RHPN2: variants seen among roughly 807,000 people sequenced by gnomAD.
The protein encoded by RHPN2 is rhophilin-2.
In RHPN2, 40 loss-of-function variants were observed where a neutral mutation model predicts 79.0. That is an observed-to-expected ratio of 0.51 (90% CI 0.39 to 0.66). RHPN2 has a LOEUF of 0.66. Ranked by LOEUF, RHPN2 falls within the 30% of genes least tolerant of loss-of-function variation. The pLI, the probability that RHPN2 is intolerant of heterozygous loss-of-function variation, is 0.00. For missense variants in RHPN2, 686 were observed against 883.5 expected (o/e 0.78, Z 2.83); for synonymous variants, 285 against 363.5 (o/e 0.78, Z 2.46).
Position 33,064,873 on chromosome 19 carries a change from G to A in RHPN2, c.-21C>T. ...GTCATGCTAGCGGCGCGGGCGCGGA[G>A]GGCGGACGGCGGACTGAGGCGCGGC... On this transcript the variant is annotated 5_prime_UTR_variant, in exon 1 of 15. Coordinates refer to ENST00000254260, the MANE Select transcript of RHPN2 (RefSeq NM_033103.5). 6.7e-7 allele frequency: 1 copy of A among 1,498,330 alleles called. No homozygotes were observed. Among genetic ancestry groups the A allele is most frequent in the African/African-American group, 1.5e-5 (1 of 68,642 alleles). The allele number at this position is 1,498,330 out of a possible 1,614,324, so 92.8% of individuals were successfully genotyped here.
chr19:32,993,366 C>G (rs1411770309), intron 12 of RHPN2, among the ~76,000 whole-genome samples: 1 of 151,842 alleles, frequency 6.6e-6, no homozygotes, highest in African/African-American at 2.4e-5. Flanking sequence ...CCCAACTACT[C>G]GGGAGGCTGA....
chr19:32,991,170 A>G (rs1971656844), intron 13 of RHPN2, among the ~76,000 whole-genome samples: 1 of 152,108 alleles, frequency 6.6e-6, no homozygotes, highest in African/African-American at 2.4e-5. Context: ...AAAAATACAA[A>G]AATTAGGCCG....
intron 1 of RHPN2, 65 bp downstream of exon 1, chr19:33,064,719 C>T: frequency 1.3e-6 from 2 of 1,493,730 alleles, no homozygotes; most frequent in Non-Finnish European, 8.9e-7. Flanking sequence ...ACGGCCCCTG[C>T]AGGGCCCGGG....
chr19:33,002,706 G>A, intron 8 of RHPN2, 107 bp downstream of exon 8: 1 of 1,200,896 alleles, frequency 8.3e-7, no homozygotes, highest in South Asian at 1.2e-5. Context: ...CTGGCACAAT[G>A]CCCAGGTCAC....
intron 4 of RHPN2, among the ~76,000 whole-genome samples, chr19:33,016,638 G>A (rs1261713461): frequency 1.3e-5 from 2 of 151,842 alleles, no homozygotes; most frequent in Non-Finnish European, 2.9e-5. Context: ...CCAAGATTGC[G>A]CCACTGCACT....
At chr19:33,058,031 G>A (rs1298873146) in intron 1 of RHPN2, among the ~76,000 whole-genome samples, 4 of 152,114 alleles carry the variant, frequency 2.6e-5, no homozygotes, top group African/African-American at 7.2e-5. Flanking sequence ...ATGGTGGCGG[G>A]TGCCTATAAT....
chr19:33,014,415 C>T (rs1255785050), intron 4 of RHPN2, among the ~76,000 whole-genome samples: 1 of 152,124 alleles, frequency 6.6e-6, no homozygotes, highest in African/African-American at 2.4e-5. Context: ...AAGTCATCCT[C>T]CCACTTCAGC....
rs549507772 is a variant in RHPN2 at position 33,034,187 on chromosome 19, A to G, written c.186-7555T>C. ...AACAATTTTTGATTTAAGATTTGCC[A>G]CAAGGCCAGGCGCGGTGGCTCACGC... On this transcript the variant is annotated intron_variant, in intron 2 of 14. Coordinates refer to ENST00000254260, the MANE Select transcript of RHPN2 (RefSeq NM_033103.5). Among the ~76,000 whole-genome samples the G allele has an allele frequency of 3.4e-5, 5 of 148,370 alleles. No individual in the cohort carries two copies. In the East Asian group the frequency reaches 1.1e-3, roughly 33 times the overall value.
chr19:32,982,003 A>G (rs928340317), intron 14 of RHPN2, among the ~76,000 whole-genome samples: 3 of 152,070 alleles, frequency 2.0e-5, no homozygotes, highest in African/African-American at 7.2e-5. Context: ...TTTGCCTAAC[A>G]TTGAGATTGT....
chr19:33,026,796 G>C, intron 2 of RHPN2, 164 bp from the exon 3 acceptor site: 1 of 703,314 alleles, frequency 1.4e-6, no homozygotes, highest in Middle Eastern at 4.0e-4. Flanking sequence ...CACCTACCCA[G>C]CTTGCAGCAC....
chr19:33,031,606 T>C (rs1182034102), intron 2 of RHPN2, among the ~76,000 whole-genome samples: 1 of 152,052 alleles, frequency 6.6e-6, no homozygotes, highest in African/African-American at 2.4e-5. Context: ...CTCCAACTCC[T>C]GGGCTCCTGG....
intron 4 of RHPN2, among the ~76,000 whole-genome samples, chr19:33,019,931 C>G (rs904518398): frequency 6.6e-6 from 1 of 152,108 alleles, no homozygotes; most frequent in South Asian, 2.1e-4. Flanking sequence ...TTGGAGGTGA[C>G]TGGTTAAAAA....
intron 3 of RHPN2, 76 bp from the exon 4 acceptor site, chr19:33,021,722 A>T: frequency 1.8e-6 from 2 of 1,103,736 alleles, no homozygotes; most frequent in Non-Finnish European, 2.6e-6. Flanking sequence ...TGCCCTCAGC[A>T]GCCCAAGCTC....
At chr19:32,980,534 G>A (rs1431569464) in intron 14 of RHPN2, among the ~76,000 whole-genome samples, 1 of 152,136 alleles carries the variant, frequency 6.6e-6, no homozygotes, top group African/African-American at 2.4e-5. Flanking sequence ...GAACCCAGGA[G>A]GTGGAGGTTG....
At chr19:32,998,990 A>G (rs1477304372) in intron 10 of RHPN2, among the ~76,000 whole-genome samples, 11 of 97,156 alleles carry the variant, frequency 1.1e-4, no homozygotes, top group South Asian at 4.3e-4. Context: ...AGAGGGGAGG[A>G]GAGGGGAGGG....
At chr19:33,034,845 T>A (rs1972044183) in intron 2 of RHPN2, among the ~76,000 whole-genome samples, 1 of 150,428 alleles carries the variant, frequency 6.6e-6, no homozygotes, top group African/African-American at 2.4e-5. Flanking sequence ...ATTCCTATGA[T>A]CCTAGTGCTT....
intron 6 of RHPN2, among the ~76,000 whole-genome samples, chr19:33,008,686 C>T (rs746084991): frequency 6.6e-6 from 1 of 152,124 alleles, no homozygotes; most frequent in African/African-American, 2.4e-5. Context: ...GGAAGAATCA[C>T]TTGAACCCGA....
intron 2 of RHPN2, among the ~76,000 whole-genome samples, chr19:33,028,156 C>T (rs1599824627): frequency 2.1e-5 from 3 of 142,046 alleles, no homozygotes; most frequent in Admixed American, 7.1e-5. Flanking sequence ...AAAATCAATT[C>T]TTTTTTTTTT....
chr19:33,026,306 G>A (rs1748488309), intron 3 of RHPN2, among the ~76,000 whole-genome samples, 198 bp downstream of exon 3: 1 of 151,958 alleles, frequency 6.6e-6, no homozygotes. Flanking sequence ...CAACACTGCA[G>A]GTATTTCCCA....
Sources: allele counts gnomAD v4.1 joint callset (sites outside exome capture counted in the v4.1 genomes callset), GRCh38; gene constraint gnomAD v4.1.1; transcripts MANE v1.5; gene names NCBI Gene and HGNC (gene_info 2026-07-23, HGNC 2026-07-21).